The following SLC20A2 variants were observed in gnomAD, a reference collection of about 807,000 sequenced individuals.
SLC20A2 encodes solute carrier family 20 member 2, also known as sodium-dependent phosphate transporter 2.
In SLC20A2, 30 loss-of-function variants were observed where a neutral mutation model predicts 61.0. The ratio of observed to expected loss-of-function variants is 0.49; its 90% CI spans 0.37 to 0.67. The LOEUF (loss-of-function observed/expected upper bound fraction) is 0.67, where lower values mean the gene tolerates loss of function less well. Among genes scored for constraint, SLC20A2 ranks in the 30% least tolerant of loss-of-function variants. The probability of loss-of-function intolerance (pLI) is 0.00; values close to 1 mark genes in which losing one functional copy is unlikely to be tolerated. For synonymous variants in SLC20A2, 351 were observed against 353.3 expected, an observed-to-expected ratio of 0.99 and a Z score of 0.07; for missense variants, 626 against 866.4, an observed-to-expected ratio of 0.72 and a Z score of 3.48.
chr8:42,531,543 T>C (rs868821038), intron 1 of SLC20A2, among the ~76,000 whole-genome samples: 3 of 152,274 alleles, frequency 2.0e-5, no homozygotes, highest in Middle Eastern at 3.4e-3. Flanking sequence ...TCATAGAATA[T>C]AGAAGAATAA....
chr8:42,463,117 G>A, intron 3 of SLC20A2, 27 bp from the exon 4 acceptor site: 2 of 1,336,426 alleles, frequency 1.5e-6, no homozygotes, highest in Non-Finnish European at 2.1e-6. Context: ...AAAATCTAAT[G>A]AATGTTAAAA....
Position 42,460,820 on chromosome 8 carries a change from C to T in SLC20A2, c.517-828G>A, listed in dbSNP as rs1235022100. Among the ~76,000 whole-genome samples, 4 of 152,164 alleles carry T rather than the reference C, an allele frequency of 2.6e-5. No individual in the cohort carries two copies. In the South Asian group the frequency reaches 8.3e-4, roughly 32 times the overall value. The stretch of plus-strand genomic sequence containing the variant: ...GCCAGAAACTCCCATCAATGTAACA[C>T]TGGCACACAGATGTGGCTCAAATAA... On this transcript the variant is annotated intron_variant, in intron 4 of 10. Transcript: ENST00000520262.
At chr8:42,534,088 G>A (rs1451246316) in intron 1 of SLC20A2, among the ~76,000 whole-genome samples, 3 of 152,054 alleles carry the variant, frequency 2.0e-5, no homozygotes, top group Non-Finnish European at 4.4e-5. Context: ...AGGCTGAGGT[G>A]GGTGGATCAC....
At position 42,472,452 on chromosome 8, in the gene SLC20A2, A is replaced by C; in HGVS notation, c.-62T>G. On this transcript the variant is annotated 5_prime_UTR_variant, in exon 2 of 11. Coordinates refer to ENST00000520262, the MANE Select transcript of SLC20A2 (RefSeq NM_001257180.2). This position sits in a 1 kb window ranked among gnomAD's most constrained non-coding sequence, Gnocchi z 4.1. ...GAATATTTTAAATAAACAAAGCTTG[A>C]GGTTATAAACTTCGTAAGGCCAAGA... is the stretch of plus-strand genomic sequence containing the variant. The C allele has an allele frequency of 6.6e-7, 1 of 1,515,650 alleles. No homozygotes were observed. Among genetic ancestry groups the C allele is most frequent in the Non-Finnish European group, 9.0e-7 (1 of 1,111,176 alleles). 93.9% of individuals were successfully genotyped at this position (1,515,650 alleles called of 1,614,324 possible).
chr8:42,457,465 C>T (rs1806301485), intron 5 of SLC20A2, among the ~76,000 whole-genome samples: 1 of 151,952 alleles, frequency 6.6e-6, no homozygotes, highest in South Asian at 2.1e-4. Flanking sequence ...TCTGGAAGCC[C>T]CACAGTGAGT....
At chr8:42,514,804 C>T (rs1407457693) in intron 1 of SLC20A2, among the ~76,000 whole-genome samples, 1 of 150,392 alleles carries the variant, frequency 6.6e-6, no homozygotes, top group Non-Finnish European at 1.5e-5. Flanking sequence ...GAAACATGCA[C>T]GTATGTCAAA....
intron 2 of SLC20A2, among the ~76,000 whole-genome samples, chr8:42,469,353 A>G (rs1807442895): frequency 6.6e-6 from 1 of 152,234 alleles, no homozygotes; most frequent in Non-Finnish European, 1.5e-5. Flanking sequence ...TTTAAAAACC[A>G]AAGCAAACAA....
chr8:42,492,965 G>C (rs1809639912), intron 1 of SLC20A2, among the ~76,000 whole-genome samples: 2 of 152,226 alleles, frequency 1.3e-5, no homozygotes. Flanking sequence ...ACAGGCGTGA[G>C]CCACCACGCC....
chr8:42,437,974 G>C lies in SLC20A2; in HGVS notation c.935-397C>G, dbSNP rs550287981. 5.0e-4 allele frequency among the ~76,000 whole-genome samples: 71 copies of C among 142,240 alleles called. No homozygotes were observed. The highest frequency in any genetic ancestry group is 1.8e-3 in the African/African-American group (71 of 38,938). 93.3% of individuals were successfully genotyped at this position (142,240 alleles called of 152,430 possible). On this transcript the variant is annotated intron_variant, in intron 7 of 10. Coordinates refer to ENST00000520262, the MANE Select transcript of SLC20A2 (RefSeq NM_001257180.2). The surrounding 1 kb of genome is among the most constrained non-coding windows in gnomAD (Gnocchi z 6.4). ...TACTATTTCATGGCACTTATCTCCA[G>C]AAGGCTGGGGATGACTTATTAACAT...
At chr8:42,459,235 C>CAAAAA (rs756966778) in intron 5 of SLC20A2, among the ~76,000 whole-genome samples, 1 of 36,076 alleles carries the variant, frequency 2.8e-5, no homozygotes, top group African/African-American at 6.7e-5. Context: ...GACTCTATCT[C>CAAAAA]AAAAAAAAAA....
chr8:42,524,377 G>C (rs1460911414), intron 1 of SLC20A2, among the ~76,000 whole-genome samples: 4 of 151,958 alleles, frequency 2.6e-5, no homozygotes, highest in Non-Finnish European at 1.5e-5. Flanking sequence ...AACACGATTG[G>C]CCACAAATTT....
chr8:42,463,527 C>A (rs1406224925), intron 3 of SLC20A2, among the ~76,000 whole-genome samples: 1 of 152,212 alleles, frequency 6.6e-6, no homozygotes, highest in Non-Finnish European at 1.5e-5. Context: ...TTCATTCCTG[C>A]CATCTAGCTG....
chr8:42,433,485 G>A (rs1804019506), intron 8 of SLC20A2, among the ~76,000 whole-genome samples: 1 of 151,968 alleles, frequency 6.6e-6, no homozygotes, highest in South Asian at 2.1e-4. Flanking sequence ...CACCACGCCT[G>A]GCTAATTTTT....
In SLC20A2 at chr8:42,516,567, C is replaced by T. The variant is rs117421814; in HGVS notation, c.-265+25254G>A. On this transcript the variant is annotated intron_variant, in intron 1 of 10. Transcript: ENST00000342228. ...CTTAGACCAAGTAAAAATCCTTTGC[C>T]TTATAATCTCTACTCATTCATTCAG... 5.6e-4 allele frequency among the ~76,000 whole-genome samples: 86 copies of T among 152,296 alleles called. No homozygotes were observed. The East Asian group carries it at 0.017, about 29-fold the overall frequency.
intron 1 of SLC20A2, among the ~76,000 whole-genome samples, chr8:42,534,097 A>G (rs1468349087): frequency 1.3e-5 from 2 of 151,948 alleles, no homozygotes; most frequent in African/African-American, 2.4e-5. Context: ...TGGGTGGATC[A>G]CCTGAGGTTG....
At chr8:42,484,190 C>T (rs918402525) in intron 1 of SLC20A2, among the ~76,000 whole-genome samples, 2 of 152,230 alleles carry the variant, frequency 1.3e-5, no homozygotes, top group Non-Finnish European at 2.9e-5. Context: ...GCCTCTTCCT[C>T]TTTGCCATGT....
intron 4 of SLC20A2, among the ~76,000 whole-genome samples, chr8:42,462,365 C>A (rs777973602): frequency 6.6e-6 from 1 of 152,166 alleles, no homozygotes. Flanking sequence ...CAAGGTACAA[C>A]CTGGAGGGTA....
chr8:42,426,371 C>G (rs1803412543), intron 10 of SLC20A2, among the ~76,000 whole-genome samples: 1 of 152,178 alleles, frequency 6.6e-6, no homozygotes, highest in African/African-American at 2.4e-5. Context: ...TAGCACCAAC[C>G]TGGAAGAACC....
At chr8:42,451,870 GGAGGAA>G (rs1286441289) in intron 5 of SLC20A2, among the ~76,000 whole-genome samples, 1 of 141,210 alleles carries the variant, frequency 7.1e-6, no homozygotes, top group Non-Finnish European at 1.5e-5. Flanking sequence ...AAAAGATGGA[GGAGGAA>G]GAGGAAGAGA....
Sources: allele counts gnomAD v4.1 joint callset (sites outside exome capture counted in the v4.1 genomes callset), GRCh38; gene constraint gnomAD v4.1.1; non-coding constraint Gnocchi (gnomAD v3.1); transcripts MANE v1.5; gene names NCBI Gene and HGNC (gene_info 2026-07-23, HGNC 2026-07-21).